The following COL4A2 variants were observed in gnomAD, a reference collection of about 807,000 sequenced individuals.
COL4A2 encodes the protein collagen alpha-2(IV) chain.
A neutral mutation model predicts 200.2 loss-of-function variants in COL4A2; 99 were observed. That is an observed-to-expected ratio of 0.49 (90% CI 0.42 to 0.58). The LOEUF (loss-of-function observed/expected upper bound fraction) is 0.58. Ranked by LOEUF, COL4A2 falls within the 20% of genes least tolerant of loss-of-function variation. The pLI is 0.00. For synonymous variants in COL4A2, 897 were observed against 900.6 expected, an observed-to-expected ratio of 1.00 and a Z score of 0.07; for missense variants, 1,950 against 2,314.1, an observed-to-expected ratio of 0.84 and a Z score of 3.23.
chr13:110,357,397 AGAT>A, intron 3 of COL4A2, 72 bp from the exon 4 acceptor site: 1 of 1,536,042 alleles, frequency 6.5e-7, no homozygotes. Flanking sequence ...GATTCTCAAC[AGAT>A]GATATTTTAA....
At chr13:110,358,192 C>A (rs149512833) in intron 4 of COL4A2, among the ~76,000 whole-genome samples, 111 of 152,014 alleles carry the variant, frequency 7.3e-4, no homozygotes, top group African/African-American at 2.7e-3. Context: ...ATGTTTTTTT[C>A]TATTAAAAAA....
chr13:110,354,992 A>G (rs1474828168), intron 3 of COL4A2, among the ~76,000 whole-genome samples: 1 of 152,234 alleles, frequency 6.6e-6, no homozygotes, highest in Non-Finnish European at 1.5e-5. Context: ...ATCACAAAAC[A>G]ACTTACAGAG....
intron 27 of COL4A2, among the ~76,000 whole-genome samples, chr13:110,467,859 T>A (rs895638467): frequency 7.2e-5 from 11 of 152,208 alleles, no homozygotes; most frequent in African/African-American, 2.7e-4. Context: ...CTCTGAGCAG[T>A]AGGAATTCCC....
chr13:110,465,419 G>A lies in COL4A2; in HGVS notation c.1791G>A (p.Lys597=). 6.2e-7 allele frequency: 1 copy of A among 1,609,968 alleles called. No homozygotes were observed. Among genetic ancestry groups the A allele is most frequent in the Non-Finnish European group, 8.5e-7 (1 of 1,178,818 alleles). The change falls in exon 25 of 48, where the codon AAG becomes AAA. Residue 597 remains lysine, a synonymous_variant. Transcript: ENST00000360467. The part of the protein sequence containing the change: ...GLPGPPGDGI[K]GPPGDPGYPG... ...TTTTCACACAGGGTGATGGCATCAA[G>A]GGCCCTCCAGGGGACCCAGGCTATC... is the stretch of plus-strand genomic sequence containing the variant.
chr13:110,466,587 A>G (rs1412263488), intron 26 of COL4A2, among the ~76,000 whole-genome samples: 5 of 152,242 alleles, frequency 3.3e-5, no homozygotes, highest in Non-Finnish European at 7.3e-5. Context: ...AAGGTGGCTG[A>G]TTGCTGTGGT....
In COL4A2 at chr13:110,438,675, C is replaced by T; in HGVS notation, c.912+7C>T. On this transcript the variant is annotated splice_region_variant and intron_variant, in intron 15 of 47. Transcript: ENST00000360467. ...GGGCTTTCCTGGACTGAGGGTAAAC[C>T]ACGCCTTTTATAACTGCAGTTGTCG... 1 of 1,614,196 alleles carries T rather than the reference C, an allele frequency of 6.2e-7. No homozygotes were observed.
chr13:110,396,352 C>T (rs1458192761), intron 4 of COL4A2, among the ~76,000 whole-genome samples: 2 of 152,208 alleles, frequency 1.3e-5, no homozygotes, highest in East Asian at 3.8e-4. Context: ...GTTTCTCTGA[C>T]TCTGAAATAA....
At chr13:110,385,261 G>GA (rs553112812) in intron 4 of COL4A2, among the ~76,000 whole-genome samples, 178 of 139,312 alleles carry the variant, frequency 1.3e-3, no homozygotes, top group Admixed American at 1.7e-3. Context: ...GACTCCGTCT[G>GA]AAAAAAAAAA....
chr13:110,347,269 C>G (rs4771667), intron 3 of COL4A2, among the ~76,000 whole-genome samples: 1 of 152,122 alleles, frequency 6.6e-6, no homozygotes, highest in African/African-American at 2.4e-5. Flanking sequence ...CTGGGCTTCA[C>G]CTCTCATTCA....
At chr13:110,472,273 A>T (rs367625597) in intron 28 of COL4A2, among the ~76,000 whole-genome samples, 1 of 151,494 alleles carries the variant, frequency 6.6e-6, no homozygotes, top group East Asian at 1.9e-4. Context: ...CCGCCACCAC[A>T]CCTGGCTAAT....
Position 110,485,840 on chromosome 13 carries a change from A to G in COL4A2, c.3207+4A>G. On this transcript the variant is annotated splice_donor_region_variant and intron_variant, in intron 34 of 47. Transcript: ENST00000360467. ...CCCAGGATTCATAGGAAGCCGGGTG[A>G]GTGGGCGTCTTTTACTCCCCTTGTT... 6.2e-7 allele frequency: 1 copy of G among 1,613,250 alleles called. No homozygotes were observed. Among genetic ancestry groups the G allele is most frequent in the South Asian group, 1.1e-5 (1 of 91,052 alleles).
intron 4 of COL4A2, among the ~76,000 whole-genome samples, chr13:110,423,516 C>T (rs1424036272): frequency 6.6e-6 from 1 of 152,088 alleles, no homozygotes; most frequent in Non-Finnish European, 1.5e-5. Context: ...TGGGTTGATA[C>T]TTTATTGTAT....
intron 4 of COL4A2, among the ~76,000 whole-genome samples, chr13:110,359,707 T>C (rs371958275): frequency 1.3e-5 from 2 of 152,212 alleles, no homozygotes; most frequent in African/African-American, 4.8e-5. Context: ...CCTCCTCTCC[T>C]GTGTCCCCTC....
chr13:110,386,646 T>C (rs2139417862), intron 4 of COL4A2, among the ~76,000 whole-genome samples: 1 of 152,346 alleles, frequency 6.6e-6, no homozygotes, highest in Non-Finnish European at 1.5e-5. Flanking sequence ...TGTAATATAT[T>C]AATATGCAAT....
At chr13:110,363,442 A>C (rs1172471691) in intron 4 of COL4A2, among the ~76,000 whole-genome samples, 1 of 152,210 alleles carries the variant, frequency 6.6e-6, no homozygotes, top group Non-Finnish European at 1.5e-5. Context: ...ACTATAAATC[A>C]AAGTAAAAGA....
chr13:110,369,463 T>C (rs904062933), intron 4 of COL4A2, among the ~76,000 whole-genome samples: 2 of 152,072 alleles, frequency 1.3e-5, no homozygotes, highest in Admixed American at 1.3e-4. Flanking sequence ...ACACTTCTGG[T>C]CCCAAGCATG....
chr13:110,450,048 G>A (rs1881478566), intron 19 of COL4A2, among the ~76,000 whole-genome samples: 1 of 152,224 alleles, frequency 6.6e-6, no homozygotes, highest in Admixed American at 6.5e-5. Flanking sequence ...TGTGGGTTGG[G>A]AAGAGAACGG....
intron 4 of COL4A2, among the ~76,000 whole-genome samples, chr13:110,390,854 G>A (rs557665965): frequency 3.9e-5 from 6 of 152,264 alleles, no homozygotes; most frequent in African/African-American, 1.4e-4. Flanking sequence ...TATCCTAAAC[G>A]TTTGCAGTTA....
intron 4 of COL4A2, among the ~76,000 whole-genome samples, chr13:110,377,360 G>A (rs1327088714): frequency 2.0e-5 from 3 of 152,172 alleles, no homozygotes; most frequent in Admixed American, 1.3e-4. Flanking sequence ...TGTGTGGTGA[G>A]CCTACCCCTC....
Sources: allele counts gnomAD v4.1 joint callset (sites outside exome capture counted in the v4.1 genomes callset), GRCh38; gene constraint gnomAD v4.1.1; transcripts MANE v1.5; gene names NCBI Gene and HGNC (gene_info 2026-07-23, HGNC 2026-07-21).